Variants in CHST9 observed in about 807,000 individuals in gnomAD.
CHST9 encodes the protein carbohydrate sulfotransferase 9, also known as GalNAc-4-sulfotransferase 2.
Under a neutral mutation model 44.4 loss-of-function variants are expected in CHST9, and 41 were observed. That is an observed-to-expected ratio of 0.92 (90% CI 0.72 to 1.20). The LOEUF (loss-of-function observed/expected upper bound fraction) is 1.20, where lower values mean the gene tolerates loss of function less well. Ranked by LOEUF, CHST9 falls within the 50% of genes most tolerant of loss-of-function variation. The pLI is 0.00. For missense variants in CHST9, 504 were observed against 516.5 expected (o/e 0.98, Z 0.23); for synonymous variants, 171 against 178.4 (o/e 0.96, Z 0.33).
In CHST9 at chr18:26,912,493, G is replaced by A. The variant is rs148299519; in HGVS notation, c.*3766C>T. ...TCTACCTATCCTGAATAGAGGTAACGGAAAGCAAAAGTAAATATTGGTTTG... is the reference window on the plus strand; with the variant it reads ...TCTACCTATCCTGAATAGAGGTAACAGAAAGCAAAAGTAAATATTGGTTTG... On this transcript the variant is annotated 3_prime_UTR_variant, in exon 6 of 6. Transcript: ENST00000618847. The A allele has an allele frequency of 9.9e-5, 15 of 151,834 alleles. No individual in the cohort carries two copies. The highest frequency in any genetic ancestry group is 1.6e-4 in the Non-Finnish European group (11 of 67,950). 9.4% of individuals were successfully genotyped at this position (151,834 alleles called of 1,614,324 possible).
chr18:26,955,214 C>T (rs898732665), intron 4 of CHST9, among the ~76,000 whole-genome samples: 3 of 141,642 alleles, frequency 2.1e-5, no homozygotes, highest in East Asian at 2.1e-4. Context: ...AGGAATTACA[C>T]CAGAATTCTG....
chr18:27,053,603 G>GT (rs1162547521), intron 2 of CHST9, among the ~76,000 whole-genome samples: 2 of 152,058 alleles, frequency 1.3e-5, no homozygotes, highest in South Asian at 2.1e-4. Flanking sequence ...TTGTTTGTTG[G>GT]TTTTTTCTGT....
At chr18:26,951,174 T>C (rs1324188372) in intron 4 of CHST9, among the ~76,000 whole-genome samples, 1 of 152,160 alleles carries the variant, frequency 6.6e-6, no homozygotes, top group East Asian at 1.9e-4. Context: ...GGAATAAAAT[T>C]TGTAGAAACA....
chr18:27,080,306 G>C (rs1464227936), intron 2 of CHST9, among the ~76,000 whole-genome samples: 1 of 151,804 alleles, frequency 6.6e-6, no homozygotes, highest in East Asian at 2.0e-4. Flanking sequence ...GTTCATACTT[G>C]TCTCTCATCT....
intron 2 of CHST9, among the ~76,000 whole-genome samples, chr18:27,106,644 T>TA (rs2058223670): frequency 6.6e-6 from 1 of 152,246 alleles, no homozygotes; most frequent in Non-Finnish European, 1.5e-5. Context: ...GTTTTCTGGC[T>TA]AATGGTAAAA....
chr18:27,171,185 G>A lies in CHST9; in HGVS notation c.-97+13951C>T, dbSNP rs555326117. Among the ~76,000 whole-genome samples, 78 of 152,248 alleles carry A rather than the reference G, an allele frequency of 5.1e-4. 3 individuals carry two copies. In the South Asian group the frequency reaches 0.015, roughly 30 times the overall value. On this transcript the variant is annotated intron_variant, in intron 1 of 5. Transcript: ENST00000618847. Reference sequence around the variant, plus strand: ...CCCACACTGGAGCTGTAGGCTCCCCGTGTACAACACCTCCTGCCATTCCAC... The same window carrying A: ...CCCACACTGGAGCTGTAGGCTCCCCATGTACAACACCTCCTGCCATTCCAC...
intron 1 of CHST9, among the ~76,000 whole-genome samples, chr18:27,167,079 G>T (rs1277550123): frequency 6.6e-6 from 1 of 152,170 alleles, no homozygotes; most frequent in Admixed American, 6.5e-5. Context: ...TAAGAGTGAC[G>T]CTTTCCTTCT....
chr18:27,088,553 C>T (rs1419893557), intron 2 of CHST9, among the ~76,000 whole-genome samples: 1 of 152,046 alleles, frequency 6.6e-6, no homozygotes, highest in Non-Finnish European at 1.5e-5. Flanking sequence ...TGCCACCACA[C>T]CCAGCTAATT....
intron 2 of CHST9, among the ~76,000 whole-genome samples, chr18:27,063,568 G>C (rs1598689879): frequency 6.6e-6 from 1 of 152,216 alleles, no homozygotes; most frequent in East Asian, 1.9e-4. Flanking sequence ...TATTTTATAG[G>C]ATACAGACAA....
intron 2 of CHST9, among the ~76,000 whole-genome samples, chr18:27,056,164 T>C (rs112759285): frequency 1.9e-4 from 29 of 152,358 alleles, no homozygotes; most frequent in African/African-American, 4.3e-4. Flanking sequence ...AGGAGTAAGA[T>C]ACTTGAAAGA....
intron 2 of CHST9, among the ~76,000 whole-genome samples, chr18:27,090,450 A>G (rs2058057222): frequency 6.6e-6 from 1 of 152,062 alleles, no homozygotes; most frequent in Non-Finnish European, 1.5e-5. Flanking sequence ...CTTTAGTTTA[A>G]TTAGATACCA....
At chr18:27,097,860 TTTTGTCAGG>T (rs2143739247) in intron 2 of CHST9, among the ~76,000 whole-genome samples, 1 of 152,306 alleles carries the variant, frequency 6.6e-6, no homozygotes, top group South Asian at 2.1e-4. Context: ...CATTTCTTGT[TTTTGTCAGG>T]TTTGTCAAAA....
chr18:26,978,096 T>C (rs995230951), intron 4 of CHST9, among the ~76,000 whole-genome samples: 35 of 151,844 alleles, frequency 2.3e-4, no homozygotes, highest in Admixed American at 1.5e-3. Flanking sequence ...GTGGTTTTTT[T>C]TTTTCTCCCA....
intron 4 of CHST9, among the ~76,000 whole-genome samples, chr18:27,002,779 T>C (rs1210360555): frequency 6.6e-6 from 1 of 152,178 alleles, no homozygotes; most frequent in Admixed American, 6.5e-5. Context: ...AAGCAAATAT[T>C]CTATCTTCCT....
chr18:27,122,470 T>C (rs899122788), intron 2 of CHST9, among the ~76,000 whole-genome samples: 3 of 152,198 alleles, frequency 2.0e-5, no homozygotes, highest in Admixed American at 1.3e-4. Flanking sequence ...CTTGTACATG[T>C]AGAACAACAA....
intron 4 of CHST9, among the ~76,000 whole-genome samples, chr18:26,963,912 T>C (rs1443685306): frequency 6.6e-6 from 1 of 152,206 alleles, no homozygotes; most frequent in Admixed American, 6.5e-5. Context: ...TCAATAAATA[T>C]AGTCACTACT....
chr18:27,111,918 T>G (rs528858190), intron 2 of CHST9, among the ~76,000 whole-genome samples: 1 of 152,218 alleles, frequency 6.6e-6, no homozygotes, highest in African/African-American at 2.4e-5. Flanking sequence ...ATCTACACCA[T>G]TGGCTTTCCA....
intron 1 of CHST9, among the ~76,000 whole-genome samples, chr18:27,163,231 G>A (rs1401832375): frequency 3.3e-5 from 5 of 152,294 alleles, no homozygotes; most frequent in African/African-American, 1.2e-4. Context: ...CTACTGGGGG[G>A]TGCCTCCCAG....
At chr18:27,109,429 C>T (rs1211262195) in intron 2 of CHST9, among the ~76,000 whole-genome samples, 4 of 152,162 alleles carry the variant, frequency 2.6e-5, no homozygotes, top group Non-Finnish European at 5.9e-5. Flanking sequence ...CGCTCATTTT[C>T]GCTTTGGATT....
Sources: allele counts gnomAD v4.1 joint callset (sites outside exome capture counted in the v4.1 genomes callset), GRCh38; gene constraint gnomAD v4.1.1; transcripts MANE v1.5; gene names NCBI Gene and HGNC (gene_info 2026-07-23, HGNC 2026-07-21).